Variants in STXBP5 observed in about 807,000 individuals in gnomAD.
STXBP5 encodes the protein syntaxin binding protein 5, also known as syntaxin-binding protein 5.
Under a neutral mutation model 152.4 loss-of-function variants are expected in STXBP5, and 50 were observed. The ratio of observed to expected loss-of-function variants is 0.33; its 90% CI spans 0.26 to 0.42. The LOEUF (loss-of-function observed/expected upper bound fraction) is 0.42. Ranked by LOEUF, STXBP5 falls within the 10% of genes least tolerant of loss-of-function variation. The pLI is 1.00. For missense variants in STXBP5, 1,167 were observed against 1,388.6 expected (o/e 0.84, Z 2.54); for synonymous variants, 492 against 494.7 (o/e 0.99, Z 0.07).
chr6:147,296,043 C>G (rs1781505016), intron 9 of STXBP5, among the ~76,000 whole-genome samples: 1 of 152,036 alleles, frequency 6.6e-6, no homozygotes, highest in Admixed American at 6.6e-5. Flanking sequence ...GTGCCCACAC[C>G]CATACAGCAT....
chr6:147,206,298 T>C (rs1776554404), intron 2 of STXBP5, among the ~76,000 whole-genome samples: 1 of 152,188 alleles, frequency 6.6e-6, no homozygotes, highest in Admixed American at 6.5e-5. Flanking sequence ...AATAGAGGTC[T>C]AAAGTTTTTT....
intron 9 of STXBP5, among the ~76,000 whole-genome samples, chr6:147,306,489 A>G (rs1782099033): frequency 6.6e-6 from 1 of 152,224 alleles, no homozygotes; most frequent in South Asian, 2.1e-4. Flanking sequence ...TCTGTCAATG[A>G]ACAACTCAAC....
At chr6:147,365,389 T>C (rs937086687) in intron 25 of STXBP5, among the ~76,000 whole-genome samples, 1 of 152,200 alleles carries the variant, frequency 6.6e-6, no homozygotes, top group African/African-American at 2.4e-5. Flanking sequence ...TAAGAAATAA[T>C]ATTGACAATT....
In STXBP5 at chr6:147,384,700, T is replaced by C. The variant is rs1786257590; in HGVS notation, c.3415-14T>C. Reference sequence around the variant, plus strand: ...CATTTTAAAAGCATGTTTTTCTTTTTTTTCCCCCTTTAGATTATGTTGAAA... The same window carrying C: ...CATTTTAAAAGCATGTTTTTCTTTTCTTTCCCCCTTTAGATTATGTTGAAA... On this transcript the variant is annotated splice_polypyrimidine_tract_variant and intron_variant, in intron 27 of 27. Transcript: ENST00000321680. 5.6e-6 allele frequency: 9 copies of C among 1,608,516 alleles called. No homozygotes were observed. Among genetic ancestry groups the C allele is most frequent in the Non-Finnish European group, 7.6e-6 (9 of 1,177,718 alleles).
chr6:147,329,955 G>T (rs1349387127), intron 18 of STXBP5, among the ~76,000 whole-genome samples: 1 of 151,960 alleles, frequency 6.6e-6, no homozygotes, highest in Admixed American at 6.6e-5. Context: ...AGAACAGTTT[G>T]GAGAAATTTT....
At chr6:147,339,436 T>G in intron 21 of STXBP5, 52 bp downstream of exon 21, 1 of 1,328,914 alleles carries the variant, frequency 7.5e-7, no homozygotes, top group East Asian at 2.7e-5. Context: ...TATGCAGTGC[T>G]AACCCAACAC....
At chr6:147,314,487 AT>A (rs1340183338) in intron 13 of STXBP5, 108 bp from the exon 14 acceptor site, 10 of 1,358,280 alleles carry the variant, frequency 7.4e-6, no homozygotes, top group Non-Finnish European at 1.0e-5. Flanking sequence ...GTTTACCCTG[AT>A]TTTTTTTACC....
intron 7 of STXBP5, among the ~76,000 whole-genome samples, chr6:147,268,984 T>C (rs1346732734): frequency 6.6e-6 from 1 of 152,080 alleles, no homozygotes; most frequent in Non-Finnish European, 1.5e-5. Flanking sequence ...AAGTCAGAGT[T>C]GGGAAACTGG....
intron 19 of STXBP5, 101 bp downstream of exon 19, chr6:147,334,323 A>G (rs1783725630): frequency 2.8e-6 from 3 of 1,064,916 alleles, no homozygotes; most frequent in South Asian, 1.7e-5. Flanking sequence ...AAATACATCT[A>G]CGAAAACTTT....
chr6:147,331,259 A>G (rs1315821363), intron 18 of STXBP5, among the ~76,000 whole-genome samples: 2 of 152,238 alleles, frequency 1.3e-5, no homozygotes, highest in Non-Finnish European at 2.9e-5. Flanking sequence ...TGGCAGAGTA[A>G]CAACTCAAAA....
At chr6:147,372,831 G>T (rs1422107896) in intron 25 of STXBP5, among the ~76,000 whole-genome samples, 1 of 151,942 alleles carries the variant, frequency 6.6e-6, no homozygotes, top group East Asian at 1.9e-4. Context: ...TATCATTTCT[G>T]CACTCTAAAA....
At chr6:147,334,055 T>C in intron 18 of STXBP5, 102 bp from the exon 19 acceptor site, 2 of 1,117,758 alleles carry the variant, frequency 1.8e-6, no homozygotes, top group Non-Finnish European at 2.6e-6. Context: ...ATTTATTGGG[T>C]TCTTTTAAAT....
intron 21 of STXBP5, among the ~76,000 whole-genome samples, chr6:147,345,454 A>C (rs1422119972): frequency 6.6e-6 from 1 of 152,124 alleles, no homozygotes; most frequent in East Asian, 1.9e-4. Context: ...TAATTCCTTT[A>C]CTATCTCAGT....
intron 4 of STXBP5, among the ~76,000 whole-genome samples, chr6:147,258,097 C>T (rs1001206737): frequency 2.6e-5 from 4 of 152,178 alleles, no homozygotes; most frequent in African/African-American, 9.7e-5. Context: ...CTCTTCCTTG[C>T]AAGTACTTTT....
At chr6:147,360,842 AT>A (rs1785032820) in intron 23 of STXBP5, among the ~76,000 whole-genome samples, 1 of 152,172 alleles carries the variant, frequency 6.6e-6, no homozygotes, top group Non-Finnish European at 1.5e-5. Flanking sequence ...ATTTATGCCC[AT>A]CCAGATAGAA....
intron 6 of STXBP5, 78 bp downstream of exon 6, chr6:147,262,431 A>AC (rs1562447038): frequency 8.6e-6 from 7 of 817,766 alleles, no homozygotes; most frequent in Non-Finnish European, 1.3e-5. Context: ...TTTCAGGATC[A>AC]CACTTATTAC....
At chr6:147,320,440 G>A (rs974143492) in intron 16 of STXBP5, among the ~76,000 whole-genome samples, 1 of 152,114 alleles carries the variant, frequency 6.6e-6, no homozygotes, top group Non-Finnish European at 1.5e-5. Flanking sequence ...CGGCTACATA[G>A]GGACTCTACC....
intron 2 of STXBP5, among the ~76,000 whole-genome samples, chr6:147,216,053 A>G (rs189894500): frequency 9.6e-4 from 146 of 152,270 alleles, no homozygotes; most frequent in African/African-American, 3.3e-3. Context: ...ATGTTTGTCA[A>G]AAATAACCGG....
chr6:147,331,601 C>T (rs1783571836), intron 18 of STXBP5, among the ~76,000 whole-genome samples: 2 of 152,094 alleles, frequency 1.3e-5, no homozygotes, highest in South Asian at 4.1e-4. Context: ...ACATTGCTGG[C>T]ATTCAGGTGG....
Sources: gnomAD v4.1 joint callset for allele counts (sites outside exome capture counted in the v4.1 genomes callset) on GRCh38, gnomAD v4.1.1 for gene constraint, MANE v1.5 for transcripts, NCBI Gene and HGNC (gene_info 2026-07-23, HGNC 2026-07-21) for gene names.